The following TLN2 variants were observed in gnomAD, a reference collection of about 807,000 sequenced individuals.
TLN2 encodes talin-2.
TLN2 carries 118 observed loss-of-function variants against 294.7 expected under a neutral mutation model. The observed-to-expected ratio is 0.40, with a 90% CI of 0.34 to 0.47. The LOEUF (loss-of-function observed/expected upper bound fraction) is 0.47. Among genes scored for constraint, TLN2 ranks in the 20% least tolerant of loss-of-function variants. The probability of loss-of-function intolerance (pLI) is 0.84; values close to 1 mark genes in which losing one functional copy is unlikely to be tolerated. For synonymous variants in TLN2, 1,431 were observed against 1,304.5 expected (o/e 1.10, Z -2.09); for missense variants, 3,083 against 3,282.2 (o/e 0.94, Z 1.48).
intron 4 of TLN2, among the ~76,000 whole-genome samples, chr15:62,648,010 T>C (rs999927827): frequency 2.0e-5 from 3 of 152,174 alleles, no homozygotes; most frequent in African/African-American, 7.2e-5. Context: ...TCCCCTTCCC[T>C]TTGTCTTCTC....
intron 41 of TLN2, 138 bp downstream of exon 41, chr15:62,766,560 GA>G: frequency 2.8e-6 from 2 of 710,312 alleles, no homozygotes; most frequent in Non-Finnish European, 4.6e-6. Context: ...TTAAGCTGCA[GA>G]AAATAACACT....
intron 14 of TLN2, among the ~76,000 whole-genome samples, chr15:62,696,724 A>T (rs983065758): frequency 6.6e-6 from 1 of 152,196 alleles, no homozygotes; most frequent in Middle Eastern, 3.2e-3. Context: ...AATAAATTTT[A>T]AAAAATGCAA....
intron 1 of TLN2, among the ~76,000 whole-genome samples, chr15:62,404,887 G>A (rs2033294588): frequency 6.6e-6 from 1 of 152,218 alleles, no homozygotes; most frequent in Admixed American, 6.5e-5. Flanking sequence ...CTGAGGCACA[G>A]CCACAAAGCA....
At chr15:62,710,720 C>T (rs1190458734) in intron 21 of TLN2, among the ~76,000 whole-genome samples, 2 of 77,048 alleles carry the variant, frequency 2.6e-5, no homozygotes, top group Non-Finnish European at 4.8e-5. Context: ...TGCTGATGTC[C>T]TTTTTTTTTT....
chr15:62,596,740 CAAAAA>C (rs11345944), intron 2 of TLN2, among the ~76,000 whole-genome samples: 1 of 135,118 alleles, frequency 7.4e-6, no homozygotes, highest in African/African-American at 2.7e-5. Flanking sequence ...GACTCTGTCT[CAAAAA>C]AAAAAAAAAA....
chr15:62,444,930 G>A (rs1454188615), intron 1 of TLN2, among the ~76,000 whole-genome samples: 2 of 152,146 alleles, frequency 1.3e-5, no homozygotes, highest in Non-Finnish European at 2.9e-5. Flanking sequence ...GGTTGGTTGA[G>A]AGCCACTGGG....
Position 62,727,113 on chromosome 15 carries a change from A to G in TLN2, c.3282A>G (p.Gly1094=). The part of the protein sequence containing the change: ...ETLEKCAQDL[G]STSKAVGSSM... ...TGGAAAAATGTGCTCAGGACCTGGG[A>G]AGCACATCCAAGGCGGTGGGCTCCT... Residue 1094 remains glycine (G), a synonymous_variant, in exon 28 of 59, where the codon GGA becomes GGG. Coordinates refer to ENST00000636159, the MANE Select transcript of TLN2 (RefSeq NM_015059.3). The G allele has an allele frequency of 6.2e-7, 1 of 1,614,168 alleles. No individual in the cohort carries two copies. The highest frequency in any genetic ancestry group is 8.5e-7 in the Non-Finnish European group (1 of 1,180,026).
chr15:62,542,438 C>T (rs773593788), intron 1 of TLN2, among the ~76,000 whole-genome samples: 5 of 152,194 alleles, frequency 3.3e-5, no homozygotes, highest in Non-Finnish European at 5.9e-5. Context: ...GATCCACCTG[C>T]CTTGGCCTCC....
chr15:62,570,224 C>T (rs1347309137), intron 1 of TLN2, among the ~76,000 whole-genome samples: 1 of 152,180 alleles, frequency 6.6e-6, no homozygotes, highest in Non-Finnish European at 1.5e-5. Flanking sequence ...CACATTCCCC[C>T]GCCTCACCCA....
At chr15:62,499,313 G>A (rs560108532) in intron 1 of TLN2, among the ~76,000 whole-genome samples, 1 of 152,162 alleles carries the variant, frequency 6.6e-6, no homozygotes, top group African/African-American at 2.4e-5. Flanking sequence ...AGCCAGGCGT[G>A]GTGGTGCTCA....
chr15:62,566,010 A>G (rs2140621715), intron 1 of TLN2, among the ~76,000 whole-genome samples: 1 of 151,934 alleles, frequency 6.6e-6, no homozygotes, highest in East Asian at 1.9e-4. Context: ...GGTTATTGTG[A>G]GGAAAAGCAA....
chr15:62,607,911 A>G (rs113374231), intron 2 of TLN2, among the ~76,000 whole-genome samples: 4 of 152,198 alleles, frequency 2.6e-5, no homozygotes, highest in African/African-American at 4.8e-5. Flanking sequence ...ACTGTGAACA[A>G]GTGTTTCCCT....
chr15:62,755,476 T>G lies in TLN2; in HGVS notation c.4477-56T>G, dbSNP rs2141006356. ...AGGAACCCAGGGCTGAGGACCGGGG[T>G]GGACCCCTCTGCACTGTAGCATGGG... On this transcript the variant is annotated intron_variant, in intron 36 of 58. Coordinates refer to ENST00000636159, the MANE Select transcript of TLN2 (RefSeq NM_015059.3). 8 of 1,574,858 alleles carry G rather than the reference T, an allele frequency of 5.1e-6. No individual in the cohort carries two copies. The South Asian group carries it at 9.6e-5, about 19-fold the overall frequency.
rs776799987 is a variant in TLN2, at chr15:62,736,926, C to G, written c.3407C>G (p.Ala1136Gly). 9 of 1,614,216 alleles carry G rather than the reference C, an allele frequency of 5.6e-6. No homozygotes were observed. In the South Asian group the frequency reaches 8.8e-5, roughly 16 times the overall value. ...TAQALKTLAQ[A>G]ARGVAASTTD... ...CAAGCTCTGAAAACACTGGCCCAGG[C>G]CGCCCGTGGAGTGGCTGCATCGACA... Residue 1136 changes from alanine to glycine, a missense_variant, in exon 29 of 59, where the codon GCC becomes GGC. Transcript: ENST00000636159.
chr15:62,653,328 G>C lies in TLN2; in HGVS notation c.517+14G>C, dbSNP rs2052810501. On this transcript the variant is annotated intron_variant, in intron 7 of 58. Transcript: ENST00000636159. Reference sequence around the variant, plus strand: ...CAGATGATGACCGTAAGTGTTTGCAGAGGAAGCATGATACAGACACACAGG... The same window carrying C: ...CAGATGATGACCGTAAGTGTTTGCACAGGAAGCATGATACAGACACACAGG... The C allele has an allele frequency of 6.2e-7, 1 of 1,605,684 alleles. No individual in the cohort carries two copies. Among genetic ancestry groups the C allele is most frequent in the Non-Finnish European group, 8.5e-7 (1 of 1,176,862 alleles).
At chr15:62,724,008 G>A (rs2060299904) in intron 26 of TLN2, among the ~76,000 whole-genome samples, 1 of 152,006 alleles carries the variant, frequency 6.6e-6, no homozygotes, top group Non-Finnish European at 1.5e-5. Flanking sequence ...AATTAGCCAG[G>A]TTGGTGGTGC....
chr15:62,481,796 TTC>T (rs1491367220), intron 1 of TLN2, among the ~76,000 whole-genome samples: 2,318 of 119,826 alleles, frequency 0.019, 77 homozygotes, highest in African/African-American at 0.062. Context: ...TTTTCTTTCT[TTC>T]TTTTTTTTTT....
At chr15:62,665,741 C>T (rs1403244801) in intron 9 of TLN2, among the ~76,000 whole-genome samples, 3 of 152,160 alleles carry the variant, frequency 2.0e-5, no homozygotes, top group Non-Finnish European at 4.4e-5. Flanking sequence ...AAGCTTTTGA[C>T]CCAGTAGGAG....
chr15:62,746,154 G>C (rs2061597035), intron 32 of TLN2, among the ~76,000 whole-genome samples: 1 of 151,986 alleles, frequency 6.6e-6, no homozygotes, highest in African/African-American at 2.4e-5. Flanking sequence ...TAGCAACAAG[G>C]TTTTTTAAAA....
Sources: allele counts gnomAD v4.1 joint callset (sites outside exome capture counted in the v4.1 genomes callset), GRCh38; gene constraint gnomAD v4.1.1; transcripts MANE v1.5; gene names NCBI Gene and HGNC (gene_info 2026-07-23, HGNC 2026-07-21).